The following ASTN1 variants were observed in gnomAD, a reference collection of about 807,000 sequenced individuals.
ASTN1 encodes astrotactin-1.
Under a neutral mutation model 140.7 loss-of-function variants are expected in ASTN1, and 41 were observed. The ratio of observed to expected loss-of-function variants is 0.29; its 90% CI spans 0.23 to 0.38. ASTN1 has a LOEUF of 0.38. Ranked by LOEUF, ASTN1 falls within the 10% of genes least tolerant of loss-of-function variation. The probability of loss-of-function intolerance (pLI) is 1.00; values close to 1 mark genes in which losing one functional copy is unlikely to be tolerated. For missense variants in ASTN1, 1,479 were observed against 1,678.8 expected, an observed-to-expected ratio of 0.88 and a Z score of 2.08; for synonymous variants, 640 against 652.2, an observed-to-expected ratio of 0.98 and a Z score of 0.29.
intron 2 of ASTN1, among the ~76,000 whole-genome samples, chr1:177,051,707 G>A (rs1486617646): frequency 6.6e-6 from 1 of 152,176 alleles, no homozygotes; most frequent in Non-Finnish European, 1.5e-5. Flanking sequence ...GATGGGCAGA[G>A]GGTGGGTGAA....
chr1:177,089,272 T>G (rs928827469), intron 1 of ASTN1, among the ~76,000 whole-genome samples: 7 of 152,306 alleles, frequency 4.6e-5, no homozygotes, highest in Admixed American at 3.9e-4. Flanking sequence ...GGGTAGTCCC[T>G]GCAAGCCCCT....
intron 19 of ASTN1, among the ~76,000 whole-genome samples, chr1:176,883,234 T>C (rs1359373099): frequency 6.7e-6 from 1 of 148,994 alleles, no homozygotes; most frequent in Non-Finnish European, 1.5e-5. Flanking sequence ...AGAGCTTCTT[T>C]TTTTTTTTTT....
At chr1:176,909,354 A>G (rs530113114) in intron 16 of ASTN1, among the ~76,000 whole-genome samples, 1 of 152,348 alleles carries the variant, frequency 6.6e-6, no homozygotes, top group African/African-American at 2.4e-5. Flanking sequence ...GTGGCATCTC[A>G]GACATTCTCA....
chr1:177,087,145 A>G (rs1447534358), intron 1 of ASTN1, among the ~76,000 whole-genome samples: 1 of 152,154 alleles, frequency 6.6e-6, no homozygotes, highest in East Asian at 1.9e-4. Flanking sequence ...TGGCAGCTGA[A>G]GCATGTTAGT....
chr1:176,925,487 A>G (rs1670916640), intron 16 of ASTN1, among the ~76,000 whole-genome samples: 2 of 152,188 alleles, frequency 1.3e-5, no homozygotes, highest in South Asian at 2.1e-4. Context: ...ACATATGCGT[A>G]TTACATTTTA....
chr1:176,885,271 T>C (rs555629245), intron 18 of ASTN1, among the ~76,000 whole-genome samples: 18 of 152,326 alleles, frequency 1.2e-4, no homozygotes, highest in African/African-American at 4.3e-4. Flanking sequence ...CCTTATTCTT[T>C]ACAAGTTGTC....
chr1:177,097,962 C>T (rs114791534), intron 1 of ASTN1, among the ~76,000 whole-genome samples: 1,633 of 152,298 alleles, frequency 0.011, 22 homozygotes, highest in African/African-American at 0.035. Flanking sequence ...TCTTCCCCCA[C>T]CCCATACCCT....
intron 1 of ASTN1, among the ~76,000 whole-genome samples, chr1:177,102,589 A>G (rs1293230105): frequency 6.6e-6 from 1 of 152,240 alleles, no homozygotes; most frequent in Non-Finnish European, 1.5e-5. Flanking sequence ...CTAATAAAAT[A>G]AAACAAAGTA....
At position 176,965,193 on chromosome 1, in the gene ASTN1, A is replaced by C. The variant is rs765364966; in HGVS notation, c.1568T>G (p.Leu523Trp). Reference sequence around the variant, plus strand: ...TATTTTATCAGAGGGCTGCTCTCCCAAAACCAGGTCAAAGCCTCGCTGAAA... The same window carrying C: ...TATTTTATCAGAGGGCTGCTCTCCCCAAACCAGGTCAAAGCCTCGCTGAAA... Reference protein sequence around the residue: ...TIFQRGFDLVLGEQPSDKIFR... With the variant: ...TIFQRGFDLVWGEQPSDKIFR... The change falls in exon 9 of 23, where the codon TTG (leucine) becomes TGG (tryptophan). Residue 523 changes from leucine (L) to tryptophan (W), a missense_variant. This residue lies in a region of ASTN1 where 729 missense variants were observed against 860.4 expected (regional missense o/e 0.85). Transcript: ENST00000361833. 1 of 1,613,986 alleles carries C rather than the reference A, an allele frequency of 6.2e-7. No individual in the cohort carries two copies. The highest frequency in any genetic ancestry group is 8.5e-7 in the Non-Finnish European group (1 of 1,179,868).
chr1:176,973,983 C>T (rs942156666), intron 8 of ASTN1, among the ~76,000 whole-genome samples: 1 of 152,176 alleles, frequency 6.6e-6, no homozygotes, highest in Admixed American at 6.5e-5. Context: ...AAATGGGAAT[C>T]CTGAAGTACA....
At chr1:176,982,427 G>A (rs1285031790) in intron 8 of ASTN1, among the ~76,000 whole-genome samples, 1 of 152,122 alleles carries the variant, frequency 6.6e-6, no homozygotes, top group East Asian at 1.9e-4. Flanking sequence ...TGCATCACCT[G>A]GAGGGCTTAT....
chr1:177,073,302 G>C (rs931263121), intron 1 of ASTN1, among the ~76,000 whole-genome samples: 28 of 151,818 alleles, frequency 1.8e-4, no homozygotes, highest in African/African-American at 6.8e-4. Context: ...GTATTTTTTT[G>C]TTTTGTTTAC....
intron 11 of ASTN1, among the ~76,000 whole-genome samples, chr1:176,954,214 T>C (rs1028631103): frequency 2.0e-5 from 3 of 152,128 alleles, no homozygotes; most frequent in Admixed American, 6.6e-5. Flanking sequence ...ATTAAGGATC[T>C]TGAAATGGAG....
chr1:176,933,750 T>C (rs1450541683), intron 16 of ASTN1, among the ~76,000 whole-genome samples: 1 of 152,166 alleles, frequency 6.6e-6, no homozygotes, highest in African/African-American at 2.4e-5. Flanking sequence ...GTAGCTGCTA[T>C]AAAGGGATTC....
At chr1:177,028,342 G>A (rs912799636) in intron 5 of ASTN1, among the ~76,000 whole-genome samples, 6 of 152,014 alleles carry the variant, frequency 3.9e-5, no homozygotes, top group Non-Finnish European at 7.4e-5. Flanking sequence ...CCACATTCTC[G>A]CCTCACAGAA....
intron 8 of ASTN1, among the ~76,000 whole-genome samples, chr1:177,011,751 A>G (rs962933418): frequency 6.6e-6 from 1 of 151,962 alleles, no homozygotes; most frequent in African/African-American, 2.4e-5. Flanking sequence ...ACAAACACAC[A>G]CACATGCACA....
chr1:176,883,060 A>T lies in ASTN1; in HGVS notation c.3227-66T>A. On this transcript the variant is annotated intron_variant, in intron 19 of 22. Transcript: ENST00000361833. ...TGACGGCCAAGCAATGAGGAGATGG[A>T]GTCAACTCAATGAGAACTTAACATG... 3 of 1,585,794 alleles carry T rather than the reference A, an allele frequency of 1.9e-6. No homozygotes were observed. The South Asian group carries it at 3.3e-5, about 18-fold the overall frequency.
chr1:177,149,205 A>AGT (rs1223019509), intron 1 of ASTN1, among the ~76,000 whole-genome samples: 2 of 104,932 alleles, frequency 1.9e-5, no homozygotes, highest in African/African-American at 9.5e-5. Context: ...AAATATATAT[A>AGT]GTGTATATAT....
At chr1:177,052,502 C>G (rs543249751) in intron 2 of ASTN1, among the ~76,000 whole-genome samples, 3 of 152,220 alleles carry the variant, frequency 2.0e-5, no homozygotes, top group South Asian at 4.1e-4. Context: ...ACAAAAAGAT[C>G]GAGTAAATGG....
Sources: allele counts gnomAD v4.1 joint callset (sites outside exome capture counted in the v4.1 genomes callset), GRCh38; gene constraint gnomAD v4.1.1; regional missense constraint gnomAD v4.1.1; transcripts MANE v1.5; gene names NCBI Gene and HGNC (gene_info 2026-07-23, HGNC 2026-07-21).